Variants in IL12B observed in about 807,000 individuals in gnomAD.
IL12B encodes interleukin 12B.
A neutral mutation model predicts 39.2 loss-of-function variants in IL12B; 27 were observed. The observed-to-expected ratio is 0.69, with a 90% CI of 0.51 to 0.95. The LOEUF (loss-of-function observed/expected upper bound fraction) is 0.95, where lower values mean the gene tolerates loss of function less well. Ranked by LOEUF, IL12B falls within the 40% of genes least tolerant of loss-of-function variation. The probability of loss-of-function intolerance (pLI) is 0.00; values close to 1 mark genes in which losing one functional copy is unlikely to be tolerated. For synonymous variants in IL12B, 142 were observed against 152.1 expected (o/e 0.93, Z 0.49); for missense variants, 351 against 397.6 (o/e 0.88, Z 1.00).
At chr5:159,316,602 C>T in intron 7 of IL12B, 83 bp downstream of exon 7, 1 of 1,479,826 alleles carries the variant, frequency 6.8e-7, no homozygotes. Context: ...CCCCTTTCCT[C>T]TCCAACACAG....
In IL12B at chr5:159,324,095, CATT is replaced by C. The variant is rs59737069; in HGVS notation, c.89-769_89-767del. Reference sequence around the variant, plus strand: ...CCAGTGGAGATTTTCATTCTCTCTGCATTATTATTATTATTATTATTATTTTTA... The same window carrying C: ...CCAGTGGAGATTTTCATTCTCTCTGCATTATTATTATTATTATTATTTTTA... On this transcript the variant is annotated intron_variant, in intron 2 of 7. Transcript: ENST00000231228. Among the ~76,000 whole-genome samples, 279 of 150,448 alleles carry C rather than the reference CATT, an allele frequency of 1.9e-3. 1 individual carries two copies. Among genetic ancestry groups the C allele is most frequent in the African/African-American group, 6.5e-3 (265 of 40,780 alleles).
At position 159,319,209 on chromosome 5, in the gene IL12B, T is replaced by C. The variant is rs372906845; in HGVS notation, c.698-316A>G. ...GAGAAGACCTCTGCTTTAATGGTTATGGGCCATGCATTGAAGGACCACCCT... is the reference window on the plus strand; with the variant it reads ...GAGAAGACCTCTGCTTTAATGGTTACGGGCCATGCATTGAAGGACCACCCT... On this transcript the variant is annotated intron_variant, in intron 5 of 7. Transcript: ENST00000231228. Among the ~76,000 whole-genome samples the C allele has an allele frequency of 5.9e-5, 9 of 152,218 alleles. No individual in the cohort carries two copies. The East Asian group carries it at 1.7e-3, about 29-fold the overall frequency.
rs956605687 is a variant in IL12B at position 159,316,074 on chromosome 5, C to G, written c.*27G>C. 1 of 153,754 alleles carries G rather than the reference C, an allele frequency of 6.5e-6. No individual in the cohort carries two copies. The highest frequency in any genetic ancestry group is 1.4e-5 in the Non-Finnish European group (1 of 69,046). 9.5% of individuals were successfully genotyped at this position (153,754 alleles called of 1,614,324 possible). On this transcript the variant is annotated 3_prime_UTR_variant, in exon 8 of 8. Coordinates refer to ENST00000231228, the MANE Select transcript of IL12B (RefSeq NM_002187.3). ...TTTTGCTTAATATCTTCCACTTTTC[C>G]TCCAAATTTTCATCCTGGATCAGAA...
intron 1 of IL12B, among the ~76,000 whole-genome samples, chr5:159,327,519 C>G (rs1271749540): frequency 6.6e-6 from 1 of 152,152 alleles, no homozygotes; most frequent in Non-Finnish European, 1.5e-5. Flanking sequence ...ATATAGAGAA[C>G]CTAGTGGTTC....
At chr5:159,322,762 C>T (rs56251009) in intron 3 of IL12B, among the ~76,000 whole-genome samples, 38 of 152,242 alleles carry the variant, frequency 2.5e-4, no homozygotes, top group Non-Finnish European at 4.3e-4. Context: ...GATACACTAT[C>T]GGTTAATTTC....
chr5:159,327,728 A>G (rs1293974728), intron 1 of IL12B, among the ~76,000 whole-genome samples: 1 of 152,190 alleles, frequency 6.6e-6, no homozygotes, highest in Non-Finnish European at 1.5e-5. Context: ...CAGGGTCCAG[A>G]ACCCCTGAAA....
rs188653417 is a variant in IL12B at position 159,326,582 on chromosome 5, C to T, written c.88+113G>A. The T allele has an allele frequency of 5.4e-6, 4 of 743,576 alleles. No homozygotes were observed. The Admixed American group carries it at 8.2e-5, about 15-fold the overall frequency. 46.1% of individuals were successfully genotyped at this position (743,576 alleles called of 1,614,324 possible). A position where few individuals can be genotyped will look rare whatever the true frequency, so the allele number is the denominator to read the frequency against. On this transcript the variant is annotated intron_variant, in intron 2 of 7. Coordinates refer to ENST00000231228, the MANE Select transcript of IL12B (RefSeq NM_002187.3). Reference sequence around the variant, plus strand: ...CATTTTCCCAGAGTGATGGCTTTCTCTAGAGGACCCAGTGCATGGTTGCCC... The same window carrying T: ...CATTTTCCCAGAGTGATGGCTTTCTTTAGAGGACCCAGTGCATGGTTGCCC...
intron 2 of IL12B, among the ~76,000 whole-genome samples, chr5:159,324,142 G>A (rs1754150264): frequency 6.6e-6 from 1 of 151,916 alleles, no homozygotes; most frequent in Admixed American, 6.6e-5. Flanking sequence ...ACACTCTTAT[G>A]AAGCAGTCCA....
intron 1 of IL12B, among the ~76,000 whole-genome samples, chr5:159,329,931 G>C (rs1348407667): frequency 6.6e-6 from 1 of 152,098 alleles, no homozygotes; most frequent in African/African-American, 2.4e-5. Flanking sequence ...CTGTCATTTT[G>C]GTTGATATCA....
chr5:159,317,092 T>C (rs1754002224), intron 6 of IL12B, among the ~76,000 whole-genome samples: 1 of 152,284 alleles, frequency 6.6e-6, no homozygotes. Flanking sequence ...CAAGACCCCA[T>C]GGCCACTCAC....
intron 1 of IL12B, 82 bp from the exon 2 acceptor site, chr5:159,326,864 A>G (rs903953335): frequency 1.1e-5 from 10 of 893,128 alleles, no homozygotes; most frequent in South Asian, 1.1e-4. Context: ...AAGAATGTCA[A>G]TAATTCTTGT....
rs1490324584 is a variant in IL12B, at chr5:159,322,403, C to T, written c.473G>A (p.Ser158Asn). The part of the protein sequence containing the change: ...ISTDLTFSVK[S>N]SRGSSDPQGV... ...GAGCAGTTTCACTCACCCTCTGCTGCTTTTGACACTGAATGTCAAATCAGT... is the reference window on the plus strand; with the variant it reads ...GAGCAGTTTCACTCACCCTCTGCTGTTTTTGACACTGAATGTCAAATCAGT... The change falls in exon 4 of 8, where the codon AGC becomes AAC. Residue 158 changes from serine (S) to asparagine (N), a missense_variant. Physicochemically the swap from Ser to Asn is conservative, Grantham distance 46. Coordinates refer to ENST00000231228, the MANE Select transcript of IL12B (RefSeq NM_002187.3). 1 of 1,599,784 alleles carries T rather than the reference C, an allele frequency of 6.3e-7. No individual in the cohort carries two copies. Among genetic ancestry groups the T allele is most frequent in the Admixed American group, 1.7e-5 (1 of 60,000 alleles).
intron 2 of IL12B, among the ~76,000 whole-genome samples, chr5:159,325,286 G>C (rs938000731): frequency 1.2e-4 from 18 of 152,282 alleles, no homozygotes; most frequent in South Asian, 6.2e-4. Context: ...GGGTTGGAAG[G>C]GATCTGCCAT....
At position 159,318,860 on chromosome 5, in the gene IL12B, T is replaced by C. The variant is rs1754034996; in HGVS notation, c.731A>G (p.Lys244Arg). 1 of 1,614,096 alleles carries C rather than the reference T, an allele frequency of 6.2e-7. No homozygotes were observed. Among genetic ancestry groups the C allele is most frequent in the Non-Finnish European group, 8.5e-7 (1 of 1,179,976 alleles). Residue 244 changes from lysine to arginine, a missense_variant, in exon 6 of 8, where the codon AAG becomes AGG. Transcript: ENST00000231228. ...KPDPPKNLQL[K>R]PLKNSRQVEV... ...CACCTGCCGAGAATTCTTTAATGGCTTCAGCTGCAAGTTCTTGGGTGGGTC... is the reference window on the plus strand; with the variant it reads ...CACCTGCCGAGAATTCTTTAATGGCCTCAGCTGCAAGTTCTTGGGTGGGTC...
intron 4 of IL12B, among the ~76,000 whole-genome samples, chr5:159,321,002 C>CTTT (rs142289784): frequency 5.6e-4 from 83 of 147,170 alleles, no homozygotes; most frequent in Non-Finnish European, 1.1e-3. Context: ...CTCTCTCTCT[C>CTTT]TCTTTTTTTT....
intron 3 of IL12B, 28 bp downstream of exon 3, chr5:159,323,026 T>A (rs760726173): frequency 6.2e-7 from 1 of 1,608,572 alleles, no homozygotes; most frequent in Non-Finnish European, 8.5e-7. Flanking sequence ...AAAGAGAAAA[T>A]TGATACTATC....
Position 159,314,948 on chromosome 5 carries a change from C to T in IL12B, c.*1153G>A, listed in dbSNP as rs936103986. The T allele has an allele frequency of 6.6e-6, 1 of 152,322 alleles. No homozygotes were observed. The highest frequency in any genetic ancestry group is 2.4e-5 in the African/African-American group (1 of 41,442). The allele number at this position is 152,322 out of a possible 1,614,324, so 9.4% of individuals were successfully genotyped here. On this transcript the variant is annotated 3_prime_UTR_variant, in exon 8 of 8. Transcript: ENST00000231228. ...TCTGGTCATAATTGTGTATCAGGTT[C>T]ATTCATGCTAATGAGAAAGGGATTC...
intron 6 of IL12B, 95 bp from the exon 7 acceptor site, chr5:159,316,911 G>T: frequency 1.4e-6 from 2 of 1,420,736 alleles, no homozygotes; most frequent in Non-Finnish European, 2.0e-6. Flanking sequence ...CCCAAAACAA[G>T]CCCATCTTGG....
At chr5:159,317,325 T>C (rs1265080051) in intron 6 of IL12B, among the ~76,000 whole-genome samples, 1 of 152,210 alleles carries the variant, frequency 6.6e-6, no homozygotes, top group Admixed American at 6.5e-5. Flanking sequence ...AGAATTATAG[T>C]TCAAGGTAAA....
Sources: allele counts gnomAD v4.1 joint callset (sites outside exome capture counted in the v4.1 genomes callset), GRCh38; gene constraint gnomAD v4.1.1; transcripts MANE v1.5; gene names NCBI Gene and HGNC (gene_info 2026-07-23, HGNC 2026-07-21).